Variants in ITGAV observed in about 807,000 individuals in gnomAD.
ITGAV encodes integrin alpha-V.
A neutral mutation model predicts 143.8 loss-of-function variants in ITGAV; 76 were observed. The observed-to-expected ratio is 0.53, with a 90% CI of 0.44 to 0.64. The LOEUF (loss-of-function observed/expected upper bound fraction) is 0.64, where lower values mean the gene tolerates loss of function less well. Ranked by LOEUF, ITGAV falls within the 30% of genes least tolerant of loss-of-function variation. ITGAV has a pLI of 0.00. For synonymous variants in ITGAV, 453 were observed against 446.7 expected (o/e 1.01, Z -0.18); for missense variants, 1,193 against 1,274.7 (o/e 0.94, Z 0.98).
chr2:186,619,662 A>G (rs1366084072), intron 2 of ITGAV, among the ~76,000 whole-genome samples: 1 of 152,196 alleles, frequency 6.6e-6, no homozygotes, highest in Non-Finnish European at 1.5e-5. Flanking sequence ...TATGTACCCC[A>G]TGAATATGTA....
At chr2:186,600,380 T>G (rs1382972662) in intron 1 of ITGAV, 1 of 1,535,266 alleles carries the variant, frequency 6.5e-7, no homozygotes, top group East Asian at 2.4e-5. Flanking sequence ...CTTAATGTTG[T>G]GGTGAGTTCC....
At chr2:186,637,455 CG>C (rs993718614) in intron 8 of ITGAV, among the ~76,000 whole-genome samples, 14 of 147,002 alleles carry the variant, frequency 9.5e-5, no homozygotes, top group African/African-American at 3.5e-4. Flanking sequence ...CACTCCCGCC[CG>C]GGCGACAGAG....
chr2:186,668,064 C>G (rs1205542820), intron 24 of ITGAV: 1 of 168,252 alleles, frequency 5.9e-6, no homozygotes, highest in African/African-American at 2.4e-5. Context: ...TTTTGTAGTT[C>G]TGGCTAAAAA....
chr2:186,652,209 G>GT (rs1335748662), intron 15 of ITGAV, 120 bp downstream of exon 15: 4 of 653,034 alleles, frequency 6.1e-6, no homozygotes, highest in Admixed American at 5.8e-5. Flanking sequence ...TGAGTATACT[G>GT]TTTTTTCTAT....
At chr2:186,649,715 A>G in intron 13 of ITGAV, 125 bp from the exon 14 acceptor site, 1 of 575,800 alleles carries the variant, frequency 1.7e-6, no homozygotes, top group Non-Finnish European at 2.9e-6. Flanking sequence ...ATGATGTCTT[A>G]CAACCTCTTA....
chr2:186,662,183 C>T (rs1175435471), intron 18 of ITGAV, among the ~76,000 whole-genome samples: 3 of 152,082 alleles, frequency 2.0e-5, no homozygotes, highest in Non-Finnish European at 2.9e-5. Context: ...TTATACATAC[C>T]TTATCACTAG....
chr2:186,610,114 T>C (rs1484378429), intron 2 of ITGAV, among the ~76,000 whole-genome samples: 1 of 152,084 alleles, frequency 6.6e-6, no homozygotes, highest in Non-Finnish European at 1.5e-5. Flanking sequence ...ACTTTTTTGG[T>C]AAAATGATAG....
chr2:186,661,903 A>G (rs969863999), intron 18 of ITGAV, among the ~76,000 whole-genome samples: 6 of 152,060 alleles, frequency 3.9e-5, no homozygotes, highest in Non-Finnish European at 8.8e-5. Flanking sequence ...CCTCAAATAC[A>G]TACTAATTTC....
chr2:186,673,566 T>A (rs1411677959), intron 26 of ITGAV, among the ~76,000 whole-genome samples: 1 of 152,210 alleles, frequency 6.6e-6, no homozygotes, highest in Non-Finnish European at 1.5e-5. Context: ...TCTACCATTT[T>A]TTCAACAATA....
chr2:186,595,468 C>T (rs1686725479), intron 1 of ITGAV, among the ~76,000 whole-genome samples: 1 of 152,174 alleles, frequency 6.6e-6, no homozygotes, highest in Admixed American at 6.5e-5. Flanking sequence ...CTCACTGCCT[C>T]CTCTGATACC....
chr2:186,600,696 C>T (rs1238570206), intron 1 of ITGAV, among the ~76,000 whole-genome samples: 5 of 152,226 alleles, frequency 3.3e-5, no homozygotes, highest in African/African-American at 4.8e-5. Context: ...CAGTGGCTCA[C>T]GCCTGTAATC....
intron 15 of ITGAV, 43 bp from the exon 16 acceptor site, chr2:186,654,605 TAA>T: frequency 1.0e-6 from 1 of 983,718 alleles, no homozygotes; most frequent in South Asian, 1.4e-5. Context: ...AAAATATGTC[TAA>T]ACTGAATTAT....
chr2:186,648,720 C>T (rs1276931748), intron 13 of ITGAV, among the ~76,000 whole-genome samples: 1 of 152,070 alleles, frequency 6.6e-6, no homozygotes. Flanking sequence ...GTCTCGAACT[C>T]CTGACTTCGT....
chr2:186,670,960 C>A (rs1483045046), intron 26 of ITGAV, among the ~76,000 whole-genome samples: 1 of 152,154 alleles, frequency 6.6e-6, no homozygotes, highest in Non-Finnish European at 1.5e-5. Flanking sequence ...AACACCTGGA[C>A]CTCATGCTTG....
At chr2:186,664,730 C>T (rs1449408363) in intron 20 of ITGAV, 89 bp downstream of exon 20, 5 of 1,489,296 alleles carry the variant, frequency 3.4e-6, no homozygotes, top group East Asian at 2.3e-5. Flanking sequence ...GAAGCACAAG[C>T]TTAGCTATTC....
chr2:186,656,766 G>A (rs1224651859), intron 17 of ITGAV, among the ~76,000 whole-genome samples: 1 of 152,106 alleles, frequency 6.6e-6, no homozygotes, highest in African/African-American at 2.4e-5. Context: ...AAATATATGA[G>A]CGAGAGTTGC....
chr2:186,649,025 CA>C (rs1688349716), intron 13 of ITGAV, among the ~76,000 whole-genome samples: 2 of 35,658 alleles, frequency 5.6e-5, no homozygotes, highest in Non-Finnish European at 1.1e-4. Context: ...TATATATATA[CA>C]CATTTGTGTG....
rs891128136 is a variant in ITGAV at position 186,641,503 on chromosome 2, G to A, written c.1074G>A (p.Thr358=). The A allele has an allele frequency of 1.2e-5, 20 of 1,614,046 alleles. No homozygotes were observed. The highest frequency in any genetic ancestry group is 1.3e-5 in the African/African-American group (1 of 74,926). Residue 358 remains threonine, a synonymous_variant, in exon 12 of 30, where the codon ACG becomes ACA. Transcript: ENST00000261023. ...AGAGAGCTTCAGGAGACTTCCAGACGACAAAGCTGAATGGATTTGAGGTCT... is the reference window on the plus strand; with the variant it reads ...AGAGAGCTTCAGGAGACTTCCAGACAACAAAGCTGAATGGATTTGAGGTCT... ...SLQRASGDFQ[T]TKLNGFEVFA... is the part of the protein sequence containing the mutation.
Position 186,669,671 on chromosome 2 carries a change from A to G in ITGAV, c.2593-30A>G, listed in dbSNP as rs1689009293. 2.1e-6 allele frequency: 3 copies of G among 1,440,314 alleles called. No homozygotes were observed. The African/African-American group carries it at 4.2e-5, about 20-fold the overall frequency. The allele number at this position is 1,440,314 out of a possible 1,614,324, so 89.2% of individuals were successfully genotyped here. A position where few individuals can be genotyped will look rare whatever the true frequency, so the allele number is the denominator to read the frequency against. Reference sequence around the variant, plus strand: ...TGTAAAATGTTTTTCATTATCATTTACCACCATTTTATTAATGTGATTGCA... The same window carrying G: ...TGTAAAATGTTTTTCATTATCATTTGCCACCATTTTATTAATGTGATTGCA... On this transcript the variant is annotated intron_variant, in intron 25 of 29. Transcript: ENST00000261023.
Sources: allele counts gnomAD v4.1 joint callset (sites outside exome capture counted in the v4.1 genomes callset), GRCh38; gene constraint gnomAD v4.1.1; transcripts MANE v1.5; gene names NCBI Gene and HGNC (gene_info 2026-07-23, HGNC 2026-07-21).